SLCO5A1: variants seen among roughly 807,000 people sequenced by gnomAD.
The protein encoded by SLCO5A1 is organic anion transporter polypeptide-related protein 4.
A neutral mutation model predicts 65.1 loss-of-function variants in SLCO5A1; 39 were observed. That is an observed-to-expected ratio of 0.60 (90% CI 0.46 to 0.78). The LOEUF is 0.78. SLCO5A1 is among the 30% of genes least tolerant of loss of function. The pLI is 0.00. For synonymous variants in SLCO5A1, 438 were observed against 415.7 expected (o/e 1.05, Z -0.65); for missense variants, 1,029 against 1,069.4 (o/e 0.96, Z 0.53).
intron 4 of SLCO5A1, among the ~76,000 whole-genome samples, chr8:69,754,224 G>A (rs1012815162): frequency 3.3e-5 from 5 of 152,120 alleles, no homozygotes; most frequent in Non-Finnish European, 5.9e-5. Flanking sequence ...AGCATAAGAA[G>A]TCATGTACAG....
chr8:69,812,519 AT>A (rs1820248859), intron 2 of SLCO5A1, among the ~76,000 whole-genome samples: 1 of 152,188 alleles, frequency 6.6e-6, no homozygotes, highest in Admixed American at 6.5e-5. Context: ...AAAGTATAGT[AT>A]GAGTCTCATA....
chr8:69,816,593 G>C (rs1395489515), intron 2 of SLCO5A1, among the ~76,000 whole-genome samples: 1 of 152,100 alleles, frequency 6.6e-6, no homozygotes, highest in African/African-American at 2.4e-5. Flanking sequence ...CTACCTCCAA[G>C]TATTCCAATC....
In SLCO5A1 at chr8:69,734,264, G is replaced by A. The variant is rs112680978; in HGVS notation, c.1423+3776C>T. On this transcript the variant is annotated intron_variant, in intron 5 of 9. Coordinates refer to ENST00000260126, the MANE Select transcript of SLCO5A1 (RefSeq NM_030958.3). ...TAAACTCTCCCCTCCACCCTCCTTT[G>A]CCACTAGAGTAAGCTTTATCCACCC... 2.3e-4 allele frequency among the ~76,000 whole-genome samples: 35 copies of A among 152,148 alleles called. 2 individuals are homozygous for A. The highest frequency in any genetic ancestry group is 7.2e-4 in the African/African-American group (30 of 41,494).
chr8:69,798,963 G>A (rs1033038153), intron 2 of SLCO5A1, among the ~76,000 whole-genome samples: 5 of 152,142 alleles, frequency 3.3e-5, no homozygotes, highest in Non-Finnish European at 5.9e-5. Flanking sequence ...TTACTTGCTT[G>A]TCTATATATT....
intron 2 of SLCO5A1, among the ~76,000 whole-genome samples, chr8:69,807,984 T>C (rs1820075384): frequency 6.6e-6 from 1 of 152,208 alleles, no homozygotes; most frequent in African/African-American, 2.4e-5. Context: ...ATTACAGGCT[T>C]GAGCCACCGC....
chr8:69,834,772 A>ACACACACG (rs1554533594), intron 1 of SLCO5A1, 82 bp downstream of exon 1: 1 of 137,110 alleles, frequency 7.3e-6, no homozygotes, highest in East Asian at 2.1e-4. Context: ...ACACACACAC[A>ACACACACG]CACACACAGA....
chr8:69,668,622 T>C lies in SLCO5A1; in HGVS notation c.*4247A>G, dbSNP rs974423287. On this transcript the variant is annotated 3_prime_UTR_variant, in exon 10 of 10. Transcript: ENST00000260126. ...CAATGCTTCAGCTCCATCCAAACTC[T>C]AAAGTTTCTCTTTGGTACATGCACG... The C allele has an allele frequency of 5.3e-5, 8 of 152,138 alleles. No individual in the cohort carries two copies. Among genetic ancestry groups the C allele is most frequent in the African/African-American group, 1.9e-4 (8 of 41,424 alleles). 9.4% of individuals were successfully genotyped at this position (152,138 alleles called of 1,614,324 possible).
chr8:69,743,155 A>G (rs898000863), intron 4 of SLCO5A1, among the ~76,000 whole-genome samples: 3 of 152,166 alleles, frequency 2.0e-5, no homozygotes, highest in African/African-American at 4.8e-5. Context: ...AGACTGGATC[A>G]GTCTCACTGA....
rs573311608 is a variant in SLCO5A1, at chr8:69,801,796, C to A, written c.907+29971G>T. Among the ~76,000 whole-genome samples, 3 of 152,264 alleles carry A rather than the reference C, an allele frequency of 2.0e-5. No homozygotes were observed. The East Asian group carries it at 5.8e-4, about 29-fold the overall frequency. On this transcript the variant is annotated intron_variant, in intron 2 of 9. Transcript: ENST00000260126. ...GAGTGACTCCAGGATCCTCAGAGAG[C>A]AAACAGTGCAATCTCTCATTTTGGC...
chr8:69,675,145 T>C (rs919885009), intron 9 of SLCO5A1, among the ~76,000 whole-genome samples: 1 of 152,040 alleles, frequency 6.6e-6, no homozygotes, highest in Non-Finnish European at 1.5e-5. Context: ...TAAATAATAC[T>C]GTTTAACTTT....
At chr8:69,797,082 G>C (rs1425979165) in intron 2 of SLCO5A1, among the ~76,000 whole-genome samples, 1 of 152,202 alleles carries the variant, frequency 6.6e-6, no homozygotes, top group Admixed American at 6.5e-5. Flanking sequence ...ACCTCAAATG[G>C]AGGGACCGGC....
intron 2 of SLCO5A1, among the ~76,000 whole-genome samples, chr8:69,816,636 A>C (rs951058249): frequency 6.6e-6 from 1 of 152,200 alleles, no homozygotes; most frequent in African/African-American, 2.4e-5. Flanking sequence ...AGAACAACTC[A>C]AATCCACAGG....
intron 2 of SLCO5A1, among the ~76,000 whole-genome samples, chr8:69,817,413 C>T (rs1820452074): frequency 6.6e-6 from 1 of 152,140 alleles, no homozygotes; most frequent in African/African-American, 2.4e-5. Context: ...CTTGCTTCCG[C>T]CTCTTGGCTA....
intron 2 of SLCO5A1, among the ~76,000 whole-genome samples, chr8:69,797,635 G>A (rs1219839776): frequency 6.6e-6 from 1 of 152,164 alleles, no homozygotes; most frequent in Admixed American, 6.5e-5. Context: ...GCGGGGGGTG[G>A]CCGTCTTTTA....
intron 2 of SLCO5A1, among the ~76,000 whole-genome samples, chr8:69,762,741 G>A (rs1817855640): frequency 6.6e-6 from 1 of 152,194 alleles, no homozygotes; most frequent in Admixed American, 6.5e-5. Context: ...AACTGCTTAA[G>A]TGTCCTCACA....
At chr8:69,732,544 C>T (rs561902002) in intron 5 of SLCO5A1, among the ~76,000 whole-genome samples, 22 of 152,200 alleles carry the variant, frequency 1.4e-4, no homozygotes, top group South Asian at 6.2e-4. Flanking sequence ...ACAGCATATA[C>T]GTATTATAAT....
At chr8:69,762,333 C>T (rs1234519067) in intron 2 of SLCO5A1, among the ~76,000 whole-genome samples, 1 of 151,978 alleles carries the variant, frequency 6.6e-6, no homozygotes, top group Admixed American at 6.6e-5. Flanking sequence ...ACTACAGGCG[C>T]CCGCCACCAC....
rs1456790869 is a variant in SLCO5A1, at chr8:69,761,566, T to C, written c.1040+177A>G. 8 of 623,496 alleles carry C rather than the reference T, an allele frequency of 1.3e-5. No homozygotes were observed. The East Asian group carries it at 1.7e-4, about 13-fold the overall frequency. The allele number at this position is 623,496 out of a possible 1,614,324, so 38.6% of individuals were successfully genotyped here. ...CATGTAAGATAACATATTCATAGGT[T>C]CTGGGGATTAGGACGTAGCTTTCTT... On this transcript the variant is annotated intron_variant, in intron 3 of 9. Coordinates refer to ENST00000260126, the MANE Select transcript of SLCO5A1 (RefSeq NM_030958.3).
intron 2 of SLCO5A1, among the ~76,000 whole-genome samples, chr8:69,775,003 T>A (rs746206248): frequency 2.6e-5 from 4 of 152,224 alleles, no homozygotes; most frequent in Admixed American, 6.5e-5. Flanking sequence ...TTGATCTCAG[T>A]TATTTTGTGC....
Sources: allele counts gnomAD v4.1 joint callset (sites outside exome capture counted in the v4.1 genomes callset), GRCh38; gene constraint gnomAD v4.1.1; transcripts MANE v1.5; gene names NCBI Gene and HGNC (gene_info 2026-07-23, HGNC 2026-07-21).